NLRP5: variants seen among roughly 807,000 people sequenced by gnomAD.
The protein encoded by NLRP5 is NACHT, LRR and PYD domains-containing protein 5.
Under a neutral mutation model 113.1 loss-of-function variants are expected in NLRP5, and 93 were observed. That is an observed-to-expected ratio of 0.82 (90% CI 0.70 to 0.98). NLRP5 has a LOEUF of 0.98. NLRP5 is among the 50% of genes least tolerant of loss of function. The probability of loss-of-function intolerance (pLI) is 0.00; values close to 1 mark genes in which losing one functional copy is unlikely to be tolerated. For synonymous variants in NLRP5, 751 were observed against 600.7 expected (o/e 1.25, Z -3.66); for missense variants, 1,808 against 1,514.3 (o/e 1.19, Z -3.22).
chr19:56,054,992 C>CTT lies in NLRP5; in HGVS notation c.3299+1208_3299+1209dup, dbSNP rs869165472. On this transcript the variant is annotated intron_variant, in intron 13 of 14. Coordinates refer to ENST00000390649, the MANE Select transcript of NLRP5 (RefSeq NM_153447.4). The stretch of plus-strand genomic sequence containing the variant: ...AGGCTTTAATCTGGGCACCCCTCCC[C>CTT]TTTTTTTTTTTTTTTTTTTTTTTTT... Among the ~76,000 whole-genome samples, 129 of 62,398 alleles carry CTT rather than the reference C, an allele frequency of 2.1e-3. 1 individual carries two copies. The highest frequency in any genetic ancestry group is 7.7e-3 in the African/African-American group (109 of 14,210). The allele number at this position is 62,398 out of a possible 152,430, so 40.9% of individuals were successfully genotyped here. A position where few individuals can be genotyped will look rare whatever the true frequency, so the allele number is the denominator to read the frequency against.
chr19:56,013,597 T>G lies in NLRP5; in HGVS notation c.509-2145T>G, dbSNP rs3103616. ...ATTTATCACATGATGGACATTTGGG[T>G]TTTTTTTTTTTTTTTTTTTTGCTAT... On this transcript the variant is annotated intron_variant, in intron 3 of 14. Transcript: ENST00000390649. Among the ~76,000 whole-genome samples, 57 of 43,714 alleles carry G rather than the reference T, an allele frequency of 1.3e-3. 1 individual carries two copies. Among genetic ancestry groups the G allele is most frequent in the Non-Finnish European group, 1.6e-3 (32 of 19,882 alleles). The allele number at this position is 43,714 out of a possible 152,430, so 28.7% of individuals were successfully genotyped here.
chr19:55,997,126 A>C (rs1342325907), upstream of NLRP5, among the ~76,000 whole-genome samples: 1 of 152,158 alleles, frequency 6.6e-6, no homozygotes, highest in Non-Finnish European at 1.5e-5. Flanking sequence ...TGGCTATATA[A>C]ATATCTTCTT....
At chr19:55,995,509 C>T (rs2123252982), upstream of NLRP5, among the ~76,000 whole-genome samples, 1 of 152,222 alleles carries the variant, frequency 6.6e-6, no homozygotes, top group South Asian at 2.1e-4. Flanking sequence ...GTTACTATAG[C>T]TTTGTGAAGT....
rs140570438 is a variant in NLRP5, at chr19:56,007,869, T to TTGTGTGTGTGTG, written c.443-910_443-899dup. On this transcript the variant is annotated intron_variant, in intron 2 of 14. Coordinates refer to ENST00000390649, the MANE Select transcript of NLRP5 (RefSeq NM_153447.4). ...ATGCTTCCAAAGTGTACAAGACAGT[T>TTGTGTGTGTGTG]TGTGTGTGTGTGTGTGTGTGCGCGT... is the stretch of plus-strand genomic sequence containing the variant. Among the ~76,000 whole-genome samples the TTGTGTGTGTGTG allele has an allele frequency of 2.2e-4, 19 of 85,988 alleles. 2 individuals carry two copies. Among genetic ancestry groups the TTGTGTGTGTGTG allele is most frequent in the African/African-American group, 6.7e-4 (16 of 23,902 alleles). 56.4% of individuals were successfully genotyped at this position (85,988 alleles called of 152,430 possible). A position where few individuals can be genotyped will look rare whatever the true frequency, so the allele number is the denominator to read the frequency against.
chr19:56,032,496 T>C, intron 7 of NLRP5, 115 bp from the exon 8 acceptor site: 2 of 898,838 alleles, frequency 2.2e-6, no homozygotes, highest in Non-Finnish European at 3.3e-6. Flanking sequence ...TCAGGGCCTC[T>C]AAAGCCACCG....
rs182774527 is a variant in NLRP5 at position 56,033,603 on chromosome 19, C to T, written c.2509C>T (p.Arg837Cys). ...CCTCTGGAGAATCGTCATGGCCAAC[C>T]GTAACCTAAGATCCCTCAACTTGGG... Residue 837 changes from arginine to cysteine, a missense_variant, in exon 9 of 15, where the codon CGT (arginine) becomes TGT (cysteine). Transcript: ENST00000390649. 3.0e-4 allele frequency: 486 copies of T among 1,613,632 alleles called. 1 individual carries two copies. In the African/African-American group the frequency reaches 5.5e-3, roughly 18 times the overall value.
chr19:56,028,556 T>A, intron 7 of NLRP5, 47 bp downstream of exon 7: 1 of 1,536,686 alleles, frequency 6.5e-7, no homozygotes, highest in Middle Eastern at 2.0e-4. Flanking sequence ...CTGAGCTCTG[T>A]GTCTCTACTG....
intron 14 of NLRP5, among the ~76,000 whole-genome samples, chr19:56,061,004 C>T (rs1301010173): frequency 6.8e-6 from 1 of 146,938 alleles, no homozygotes; most frequent in Non-Finnish European, 1.5e-5. Flanking sequence ...TAGAAAGTCA[C>T]TGGGCATGCA....
At chr19:56,054,108 A>G (rs1292745645) in intron 13 of NLRP5, among the ~76,000 whole-genome samples, 3 of 152,112 alleles carry the variant, frequency 2.0e-5, no homozygotes, top group African/African-American at 7.2e-5. Context: ...TGGAAGTGAA[A>G]AGACCTTTGT....
chr19:56,012,144 T>G (rs1345427737), intron 3 of NLRP5, among the ~76,000 whole-genome samples: 1 of 151,912 alleles, frequency 6.6e-6, no homozygotes, highest in African/African-American at 2.4e-5. Flanking sequence ...CCGTAGTGGC[T>G]GCTTTTTTTC....
intron 11 of NLRP5, among the ~76,000 whole-genome samples, chr19:56,049,558 T>C (rs1983855075): frequency 6.6e-6 from 1 of 151,066 alleles, no homozygotes; most frequent in African/African-American, 2.4e-5. Flanking sequence ...TCCTCCCGCC[T>C]TGGCCTCCCA....
chr19:56,027,179 GTCT>G lies in NLRP5; in HGVS notation c.952_954del (p.Phe318del), dbSNP rs1422171946. On this transcript the variant is annotated inframe_deletion, in exon 7 of 15. Transcript: ENST00000390649. Reference sequence around the variant, plus strand: ...ACTCTACCAGGGAATGTTCTCCTACGTCTTCTTCCTCCCCGTTAGAGAGATGCA... The same window carrying G: ...ACTCTACCAGGGAATGTTCTCCTACGTCTTCCTCCCCGTTAGAGAGATGCA... 6.8e-6 allele frequency: 11 copies of G among 1,608,064 alleles called. No homozygotes were observed. Among genetic ancestry groups the G allele is most frequent in the Middle Eastern group, 3.3e-4 (2 of 6,056 alleles).
At chr19:56,006,664 A>T (rs1204779454) in intron 2 of NLRP5, among the ~76,000 whole-genome samples, 1 of 151,982 alleles carries the variant, frequency 6.6e-6, no homozygotes, top group Non-Finnish European at 1.5e-5. Context: ...CCCGGGAGGT[A>T]GAGGTTGCAG....
intron 8 of NLRP5, among the ~76,000 whole-genome samples, chr19:56,033,079 C>G (rs1032951447): frequency 2.6e-5 from 4 of 151,932 alleles, no homozygotes; most frequent in Admixed American, 6.6e-5. Context: ...AACCCCATCT[C>G]TACTAAAAAT....
chr19:56,034,938 A>G (rs1204478232), intron 9 of NLRP5, among the ~76,000 whole-genome samples: 2 of 152,018 alleles, frequency 1.3e-5, no homozygotes, highest in Non-Finnish European at 2.9e-5. Context: ...TTTAATGTTT[A>G]TATAGTTTTC....
chr19:56,005,458 T>C (rs1203789950), intron 2 of NLRP5, among the ~76,000 whole-genome samples: 2 of 134,384 alleles, frequency 1.5e-5, no homozygotes, highest in Non-Finnish European at 3.4e-5. Context: ...TATTTTTATA[T>C]ACACACACAC....
chr19:56,057,725 G>A (rs539195478), intron 13 of NLRP5, among the ~76,000 whole-genome samples: 31 of 152,130 alleles, frequency 2.0e-4, no homozygotes, highest in Non-Finnish European at 2.6e-4. Flanking sequence ...CTGGGAACTC[G>A]TTAGAAATGC....
chr19:56,004,165 A>T (rs1268380567), intron 2 of NLRP5, 70 bp downstream of exon 2: 3 of 1,487,080 alleles, frequency 2.0e-6, no homozygotes, highest in Non-Finnish European at 2.7e-6. Context: ...GGAACAGGGA[A>T]GAATCGTTGT....
At chr19:56,058,936 C>G (rs189224335) in intron 14 of NLRP5, among the ~76,000 whole-genome samples, 1 of 152,068 alleles carries the variant, frequency 6.6e-6, no homozygotes, top group Admixed American at 6.6e-5. Context: ...CTTGACATGC[C>G]GAGTGGAATA....
Sources: gnomAD v4.1 joint callset for allele counts (sites outside exome capture counted in the v4.1 genomes callset) on GRCh38, gnomAD v4.1.1 for gene constraint, MANE v1.5 for transcripts, NCBI Gene and HGNC (gene_info 2026-07-23, HGNC 2026-07-21) for gene names.